The following BEND3 variants were observed in gnomAD, a reference collection of about 807,000 sequenced individuals.
The protein encoded by BEND3 is BEN domain containing 3.
In BEND3, 13 loss-of-function variants were observed where a neutral mutation model predicts 60.1. That is an observed-to-expected ratio of 0.22 (90% CI 0.14 to 0.34). The LOEUF (loss-of-function observed/expected upper bound fraction) is 0.34, where lower values mean the gene tolerates loss of function less well. Ranked by LOEUF, BEND3 falls within the 10% of genes least tolerant of loss-of-function variation. The pLI is 1.00. For synonymous variants in BEND3, 497 were observed against 491.5 expected, an observed-to-expected ratio of 1.01 and a Z score of -0.15; for missense variants, 896 against 1,138.1, an observed-to-expected ratio of 0.79 and a Z score of 3.06.
intron 3 of BEND3, among the ~76,000 whole-genome samples, chr6:107,074,638 C>G (rs533381430): frequency 6.6e-6 from 1 of 151,838 alleles, no homozygotes; most frequent in East Asian, 1.9e-4. Context: ...GAATTTAAGC[C>G]CTTTATGTTT....
chr6:107,081,442 G>A lies in BEND3; in HGVS notation c.241-10492C>T, dbSNP rs527491780. On this transcript the variant is annotated intron_variant, in intron 3 of 3. Coordinates refer to ENST00000369042, the MANE Select transcript of BEND3 (RefSeq NM_001367314.1). ...TCACCACGTTGGCTAGGGTGGTCTC[G>A]AACTCCTGACTTCAGGTGATCCACC... Among the ~76,000 whole-genome samples, 186 of 147,822 alleles carry A rather than the reference G, an allele frequency of 1.3e-3. 1 individual carries two copies. The highest frequency in any genetic ancestry group is 4.3e-3 in the African/African-American group (172 of 39,980).
chr6:107,070,700 C>T lies in BEND3; in HGVS notation c.491G>A (p.Ser164Asn). ...ATTCAGGAGCCGCAGTGACGAGGGG[C>T]TGTTGCTGGCGTTTGCCTTCTCAAA... ...ELFEKANASN[S>N]PSSLRLLNEP... Residue 164 changes from serine to asparagine, a missense_variant, in exon 4 of 4, where the codon AGC becomes AAC. This residue lies in a region of BEND3 where 846 missense variants were observed against 1,036.7 expected (regional missense o/e 0.82). Transcript: ENST00000369042. The surrounding 1 kb of genome is among the most constrained non-coding windows in gnomAD (Gnocchi z 6.9). 1 of 1,613,424 alleles carries T rather than the reference C, an allele frequency of 6.2e-7. No individual in the cohort carries two copies.
At chr6:107,105,937 T>C (rs1775804189) in intron 1 of BEND3, 1 of 152,250 alleles carries the variant, frequency 6.6e-6, no homozygotes, top group African/African-American at 2.4e-5. Flanking sequence ...AGAACAGGAA[T>C]GTGATTGGAA....
chr6:107,111,417 A>C (rs1554238391), intron 1 of BEND3, among the ~76,000 whole-genome samples: 1 of 152,076 alleles, frequency 6.6e-6, no homozygotes, highest in Non-Finnish European at 1.5e-5. Context: ...AGGGTGAGGC[A>C]GGAGAATCAC....
rs916465566 is a variant in BEND3 at position 107,066,584 on chromosome 6, T to A, written c.*2120A>T. 5 of 152,598 alleles carry A rather than the reference T, an allele frequency of 3.3e-5. No individual in the cohort carries two copies. In the East Asian group the frequency reaches 9.6e-4, roughly 29 times the overall value. 9.5% of individuals were successfully genotyped at this position (152,598 alleles called of 1,614,324 possible). ...AAAATTATTAATAAATGATTGTGCT[T>A]CTAAAGTTGCAGGGTCAACATTCCA... On this transcript the variant is annotated 3_prime_UTR_variant, in exon 4 of 4. Transcript: ENST00000369042.
rs557366833 is a variant in BEND3 at position 107,075,713 on chromosome 6, A to G, written c.241-4763T>C. ...TAGCACATTTAAAATAGAATTTCCT[A>G]AGAAAGAGATCATCAGAAACGTATA... is the stretch of plus-strand genomic sequence containing the variant. On this transcript the variant is annotated intron_variant, in intron 3 of 3. Transcript: ENST00000369042. 6.7e-4 allele frequency among the ~76,000 whole-genome samples: 102 copies of G among 152,360 alleles called. 4 individuals are homozygous for G. In the South Asian group the frequency reaches 0.021, roughly 31 times the overall value.
Position 107,068,718 on chromosome 6 carries a change from T to G in BEND3, c.2473A>C (p.Lys825Gln), listed in dbSNP as rs368061243. Residue 825 changes from lysine to glutamine, a missense_variant, in exon 4 of 4, where the codon AAA becomes CAA. Lys to Gln is a moderately conservative substitution (Grantham distance 53, BLOSUM62 1). Coordinates refer to ENST00000369042, the MANE Select transcript of BEND3 (RefSeq NM_001367314.1). The surrounding 1 kb of genome is among the most constrained non-coding windows in gnomAD (Gnocchi z 5.8). ...GTCACGGGCCTTCACTTCTCCACTT[T>G]CTTTGCTTTCTTGAGGATGTCGCAT... is the stretch of plus-strand genomic sequence containing the variant. ...KKCDILKKAKKVEK is the reference protein window; with the variant it reads ...KKCDILKKAKQVEK 6.2e-7 allele frequency: 1 copy of G among 1,613,380 alleles called. No homozygotes were observed.
chr6:107,110,446 C>T (rs782137046), intron 1 of BEND3, among the ~76,000 whole-genome samples: 2 of 152,066 alleles, frequency 1.3e-5, no homozygotes, highest in Non-Finnish European at 2.9e-5. Context: ...GAAATACTGA[C>T]GTATCAGAAG....
In BEND3 at chr6:107,072,074, T is replaced by C. The variant is rs916440445; in HGVS notation, c.241-1124A>G. 3.9e-5 allele frequency among the ~76,000 whole-genome samples: 6 copies of C among 152,234 alleles called. No individual in the cohort carries two copies. In the East Asian group the frequency reaches 5.8e-4, roughly 15 times the overall value. On this transcript the variant is annotated intron_variant, in intron 3 of 3. Transcript: ENST00000369042. ...ATGTTGAATTCGACCCAGATACTTA[T>C]GTAAATGTATATTTGAGTTTTAGGA...
intron 3 of BEND3, among the ~76,000 whole-genome samples, chr6:107,080,408 A>T (rs1775207939): frequency 1.3e-5 from 2 of 151,754 alleles, no homozygotes; most frequent in East Asian, 3.9e-4. Context: ...AAAAGAAAAG[A>T]AAAGAAAAAG....
chr6:107,085,530 C>CGCCCAGGCTGGACT (rs1775327009), intron 3 of BEND3, among the ~76,000 whole-genome samples: 1 of 152,008 alleles, frequency 6.6e-6, no homozygotes, highest in Admixed American at 6.6e-5. Flanking sequence ...CTCACTCTGT[C>CGCCCAGGCTGGACT]GCCCAGGCTG....
chr6:107,107,818 A>G (rs1775851138), intron 1 of BEND3, among the ~76,000 whole-genome samples: 1 of 152,248 alleles, frequency 6.6e-6, no homozygotes, highest in Admixed American at 6.5e-5. Flanking sequence ...AAATGGCTTA[A>G]AAGATTAAAA....
intron 3 of BEND3, among the ~76,000 whole-genome samples, chr6:107,083,213 C>T (rs1554233764): frequency 6.6e-6 from 1 of 152,162 alleles, no homozygotes; most frequent in African/African-American, 2.4e-5. Context: ...TTACTCACTG[C>T]ACTAGAAACT....
At position 107,070,252 on chromosome 6, in the gene BEND3, G is replaced by C; in HGVS notation, c.939C>G (p.Val313=). Residue 313 remains valine (V), a synonymous_variant, in exon 4 of 4, where the codon GTC becomes GTG. Coordinates refer to ENST00000369042, the MANE Select transcript of BEND3 (RefSeq NM_001367314.1). The surrounding 1 kb of genome is among the most constrained non-coding windows in gnomAD (Gnocchi z 6.9). ...HLQLIRNYVE[V]YYPSVKDTAV... Reference sequence around the variant, plus strand: ...CCGTGTCCTTCACCGAGGGGTAGTAGACCTCCACATAGTTGCGGATGAGCT... The same window carrying C: ...CCGTGTCCTTCACCGAGGGGTAGTACACCTCCACATAGTTGCGGATGAGCT... 2 of 1,613,078 alleles carry C rather than the reference G, an allele frequency of 1.2e-6. No homozygotes were observed. The highest frequency in any genetic ancestry group is 1.7e-6 in the Non-Finnish European group (2 of 1,180,016).
At chr6:107,108,079 C>A (rs1775858715) in intron 1 of BEND3, among the ~76,000 whole-genome samples, 1 of 152,202 alleles carries the variant, frequency 6.6e-6, no homozygotes, top group Non-Finnish European at 1.5e-5. Context: ...GGCACATCTG[C>A]AAATGCAGTT....
chr6:107,098,041 G>A (rs1355052268), intron 3 of BEND3, among the ~76,000 whole-genome samples: 1 of 152,138 alleles, frequency 6.6e-6, no homozygotes, highest in Non-Finnish European at 1.5e-5. Flanking sequence ...TGTGCACTAT[G>A]GCTCACGCCT....
chr6:107,073,849 G>A (rs545520532), intron 3 of BEND3, among the ~76,000 whole-genome samples: 2 of 152,024 alleles, frequency 1.3e-5, no homozygotes, highest in Non-Finnish European at 1.5e-5. Context: ...TCACACCACT[G>A]CACTCCAGCC....
At position 107,068,672 on chromosome 6, in the gene BEND3, T is replaced by A. The variant is rs1582635580; in HGVS notation, c.*32A>T. 1 of 1,594,550 alleles carries A rather than the reference T, an allele frequency of 6.3e-7. No individual in the cohort carries two copies. Among genetic ancestry groups the A allele is most frequent in the Non-Finnish European group, 8.5e-7 (1 of 1,170,888 alleles). ...AGGGTGCCCATCGCTCAGCCTCTGG[T>A]GACCCCGAATCTCTGGGCAGGTCAC... On this transcript the variant is annotated 3_prime_UTR_variant, in exon 4 of 4. Transcript: ENST00000369042. The surrounding 1 kb of genome is among the most constrained non-coding windows in gnomAD (Gnocchi z 5.8).
chr6:107,083,456 C>G (rs1407878366), intron 3 of BEND3, among the ~76,000 whole-genome samples: 1 of 151,874 alleles, frequency 6.6e-6, no homozygotes, highest in Admixed American at 6.6e-5. Flanking sequence ...CCCATCTCTA[C>G]AAAAGAAAAA....
Sources: allele counts gnomAD v4.1 joint callset (sites outside exome capture counted in the v4.1 genomes callset), GRCh38; gene constraint gnomAD v4.1.1; regional missense constraint gnomAD v4.1.1; non-coding constraint Gnocchi (gnomAD v3.1); transcripts MANE v1.5; gene names NCBI Gene and HGNC (gene_info 2026-07-23, HGNC 2026-07-21).